CHODL: variants seen among roughly 807,000 people sequenced by gnomAD.
CHODL encodes the protein chondrolectin.
Under a neutral mutation model 34.5 loss-of-function variants are expected in CHODL, and 29 were observed. The ratio of observed to expected loss-of-function variants is 0.84; its 90% confidence interval spans 0.63 to 1.15. The LOEUF (loss-of-function observed/expected upper bound fraction) is 1.15. Among genes scored for constraint, CHODL ranks in the 50% most tolerant of loss-of-function variants. The pLI is 0.00. For synonymous variants in CHODL, 125 were observed against 116.1 expected (o/e 1.08, Z -0.49); for missense variants, 332 against 332.5 (o/e 1.00, Z 0.01).
chr21:17,927,104 GTATGTATA>G (rs1271489436), intron 1 of CHODL, among the ~76,000 whole-genome samples: 3,209 of 137,546 alleles, frequency 0.023, 127 homozygotes, highest in African/African-American at 0.094. Flanking sequence ...ATATCTGTGT[GTATGTATA>G]TATGTATATA....
At chr21:17,973,653 C>T (rs1171283362) in intron 1 of CHODL, among the ~76,000 whole-genome samples, 1 of 151,664 alleles carries the variant, frequency 6.6e-6, no homozygotes, top group Non-Finnish European at 1.5e-5. Flanking sequence ...ATCTCCTGAC[C>T]TCGTGATCCG....
chr21:18,124,629 T>C (rs1028268), intron 2 of CHODL, among the ~76,000 whole-genome samples: 9,850 of 152,230 alleles, frequency 0.065, 363 homozygotes, highest in Middle Eastern at 0.12. Flanking sequence ...AATGTTATAC[T>C]ATCAAACAAG....
At chr21:18,136,389 C>T (rs1048421519) in intron 2 of CHODL, among the ~76,000 whole-genome samples, 1 of 151,984 alleles carries the variant, frequency 6.6e-6, no homozygotes, top group African/African-American at 2.4e-5. Context: ...TTGACTTAGA[C>T]AGAAATTGAA....
chr21:18,138,548 G>A (rs918295246), intron 2 of CHODL, among the ~76,000 whole-genome samples: 5 of 152,050 alleles, frequency 3.3e-5, no homozygotes, highest in Admixed American at 3.3e-4. Flanking sequence ...TATTGATTTT[G>A]CAAGTTCCTA....
chr21:18,095,097 C>T (rs1417467352), intron 2 of CHODL, among the ~76,000 whole-genome samples: 1 of 150,782 alleles, frequency 6.6e-6, no homozygotes, highest in East Asian at 2.0e-4. Flanking sequence ...GCACTCTAGC[C>T]TGGATGACAG....
At chr21:18,074,173 G>A (rs2064837783) in intron 2 of CHODL, among the ~76,000 whole-genome samples, 1 of 152,136 alleles carries the variant, frequency 6.6e-6, no homozygotes, top group South Asian at 2.1e-4. Flanking sequence ...TCTAGTGATT[G>A]AGTGATGGAA....
intron 1 of CHODL, among the ~76,000 whole-genome samples, chr21:17,942,834 G>A (rs964766): frequency 0.016 from 2,500 of 152,280 alleles, 29 homozygotes; most frequent in Non-Finnish European, 0.027. Context: ...AGTGTTAGAG[G>A]AGGGACCCGG....
At chr21:17,972,749 A>G (rs565508057) in intron 1 of CHODL, among the ~76,000 whole-genome samples, 16 of 152,372 alleles carry the variant, frequency 1.1e-4, no homozygotes, top group Non-Finnish European at 2.2e-4. Flanking sequence ...TGCCATCCCC[A>G]TCAAGCTACC....
intron 2 of CHODL, among the ~76,000 whole-genome samples, chr21:18,087,132 T>C (rs373534041): frequency 9.9e-5 from 15 of 152,030 alleles, no homozygotes; most frequent in East Asian, 1.9e-4. Flanking sequence ...CTGCATCACC[T>C]TGAACTTGGC....
chr21:17,978,480 A>G (rs1037925371), intron 1 of CHODL, among the ~76,000 whole-genome samples: 15 of 151,464 alleles, frequency 9.9e-5, no homozygotes, highest in African/African-American at 3.6e-4. Context: ...GCACTTTGGG[A>G]GGCCGAGGTG....
At chr21:18,035,616 T>C (rs2064299945) in intron 2 of CHODL, among the ~76,000 whole-genome samples, 1 of 152,058 alleles carries the variant, frequency 6.6e-6, no homozygotes. Flanking sequence ...TCCCACAGTT[T>C]GTTAATGTTG....
chr21:18,263,961 A>G (rs1161022689), intron 5 of CHODL, among the ~76,000 whole-genome samples: 1 of 135,242 alleles, frequency 7.4e-6, no homozygotes. Flanking sequence ...TTCTTGGCTT[A>G]TTTTCCATAC....
chr21:18,200,292 T>G (rs1427577881), intron 2 of CHODL, among the ~76,000 whole-genome samples: 1 of 152,186 alleles, frequency 6.6e-6, no homozygotes, highest in Non-Finnish European at 1.5e-5. Flanking sequence ...AGAATTATAC[T>G]GACAAAATGT....
chr21:17,938,884 T>A (rs1869058444), intron 1 of CHODL, among the ~76,000 whole-genome samples: 2 of 152,134 alleles, frequency 1.3e-5, no homozygotes, highest in Admixed American at 1.3e-4. Flanking sequence ...TCTGCTGGAT[T>A]TTTTTTCGTT....
intron 1 of CHODL, among the ~76,000 whole-genome samples, chr21:18,256,164 G>A (rs1214611314): frequency 3.3e-5 from 5 of 151,842 alleles, no homozygotes; most frequent in Non-Finnish European, 5.9e-5. Context: ...CTTTCATTAA[G>A]TTTTAGCTCA....
In CHODL at chr21:18,246,992, ATTAG is replaced by A. The variant is rs202157511; in HGVS notation, c.79+1694_79+1697del. ...ATGATGTTTATTTGATATTAAAATA[ATTAG>A]TTATGTTTTCCTTATGAATAATTCA... On this transcript the variant is annotated intron_variant, in intron 1 of 5. Coordinates refer to ENST00000299295, the MANE Select transcript of CHODL (RefSeq NM_024944.3). Among the ~76,000 whole-genome samples the A allele has an allele frequency of 2.6e-3, 391 of 152,312 alleles. 4 individuals are homozygous for A. The highest frequency in any genetic ancestry group is 8.9e-3 in the African/African-American group (368 of 41,578).
chr21:18,037,411 T>G (rs1292764699), intron 2 of CHODL, among the ~76,000 whole-genome samples: 1 of 151,738 alleles, frequency 6.6e-6, no homozygotes, highest in Non-Finnish European at 1.5e-5. Flanking sequence ...AATGGTAGAG[T>G]AAGAACAATC....
chr21:18,125,234 T>C (rs936844968), intron 2 of CHODL, among the ~76,000 whole-genome samples: 1 of 152,310 alleles, frequency 6.6e-6, no homozygotes, highest in Non-Finnish European at 1.5e-5. Context: ...TTAAAACACA[T>C]GGAATGTTTG....
At chr21:18,183,998 G>A (rs1326514775) in intron 2 of CHODL, among the ~76,000 whole-genome samples, 1 of 151,932 alleles carries the variant, frequency 6.6e-6, no homozygotes, top group African/African-American at 2.4e-5. Flanking sequence ...TAGTATTAAA[G>A]GTTTACTTTT....
Sources: gnomAD v4.1 joint callset for allele counts (sites outside exome capture counted in the v4.1 genomes callset) on GRCh38, gnomAD v4.1.1 for gene constraint, MANE v1.5 for transcripts, NCBI Gene and HGNC (gene_info 2026-07-23, HGNC 2026-07-21) for gene names.